NUP210: variants seen among roughly 807,000 people sequenced by gnomAD.
NUP210 encodes nuclear pore membrane glycoprotein 210.
NUP210 carries 151 observed loss-of-function variants against 196.0 expected under a neutral mutation model. The ratio of observed to expected loss-of-function variants is 0.77; its 90% CI spans 0.67 to 0.88. The LOEUF is 0.88. Among genes scored for constraint, NUP210 ranks in the 40% least tolerant of loss-of-function variants. The probability of loss-of-function intolerance (pLI) is 0.00; values close to 1 mark genes in which losing one functional copy is unlikely to be tolerated. For missense variants in NUP210, 2,314 were observed against 2,493.7 expected (o/e 0.93, Z 1.53); for synonymous variants, 1,070 against 1,052.7 (o/e 1.02, Z -0.32).
chr3:13,381,420 C>CTTTTTTTTTTTTTTTT, intron 6 of NUP210, among the ~76,000 whole-genome samples: 1 of 134,446 alleles, frequency 7.4e-6, no homozygotes, highest in Non-Finnish European at 1.6e-5. Context: ...CTTTTCTTTT[C>CTTTTTTTTTTTTTTTT]TTTTTTTTTT....
At chr3:13,339,821 C>A (rs1271624865) in intron 25 of NUP210, 33 bp downstream of exon 25, 1 of 1,573,938 alleles carries the variant, frequency 6.4e-7, no homozygotes, top group Non-Finnish European at 8.7e-7. Context: ...GTCCCAGGCA[C>A]AGCTGCCCAG....
rs199955751 is a variant in NUP210 at position 13,319,770 on chromosome 3, G to T, written c.5376C>A (p.Pro1792=). The T allele has an allele frequency of 5.1e-4, 821 of 1,614,000 alleles. 8 individuals are homozygous for T. Among genetic ancestry groups the T allele is most frequent in the Non-Finnish European group, 9.2e-5 (109 of 1,179,902 alleles). ...TGTCGTTCCGTGACTCACAAGGACC[G>T]GGCCCACGGCGATCCACCACAAAAG... is the stretch of plus-strand genomic sequence containing the variant. The part of the protein sequence containing the change: ...TVAFVVDRRG[P]GPYGASLFQH... The change falls in exon 37 of 40, where the codon CCC becomes CCA. Residue 1792 remains proline (P), a synonymous_variant. Transcript: ENST00000254508.
At chr3:13,335,838 G>A (rs1047875524) in intron 27 of NUP210, among the ~76,000 whole-genome samples, 2 of 152,214 alleles carry the variant, frequency 1.3e-5, no homozygotes, top group African/African-American at 2.4e-5. Context: ...TGCCTGCATC[G>A]CACAACATGC....
At chr3:13,419,602 G>C (rs569007623) in intron 1 of NUP210, among the ~76,000 whole-genome samples, 2 of 152,178 alleles carry the variant, frequency 1.3e-5, no homozygotes, top group Non-Finnish European at 1.5e-5. Flanking sequence ...GCTAGGCGCT[G>C]CGCTTCGTTT....
intron 13 of NUP210, among the ~76,000 whole-genome samples, chr3:13,370,696 C>T (rs746953618): frequency 6.6e-6 from 1 of 152,214 alleles, no homozygotes; most frequent in Non-Finnish European, 1.5e-5. Context: ...CTCCTGGATG[C>T]AGTATGCTCA....
At chr3:13,395,458 C>G (rs893163994) in intron 3 of NUP210, among the ~76,000 whole-genome samples, 2 of 152,188 alleles carry the variant, frequency 1.3e-5, no homozygotes, top group Non-Finnish European at 2.9e-5. Context: ...ACTGGGACTA[C>G]AGGTGTGCGC....
chr3:13,341,665 A>G, intron 23 of NUP210, 83 bp downstream of exon 23: 1 of 1,462,396 alleles, frequency 6.8e-7, no homozygotes. Context: ...TCTCTACAGT[A>G]GCTTCCTGGA....
chr3:13,410,694 G>A (rs1255646789), intron 1 of NUP210, among the ~76,000 whole-genome samples: 9 of 151,034 alleles, frequency 6.0e-5, no homozygotes, highest in Non-Finnish European at 1.0e-4. Context: ...GAGGCGGGTG[G>A]ATCACGAGGT....
At chr3:13,320,195 G>A (rs1696463507) in intron 36 of NUP210, among the ~76,000 whole-genome samples, 1 of 152,214 alleles carries the variant, frequency 6.6e-6, no homozygotes, top group Admixed American at 6.5e-5. Context: ...AATGACACCT[G>A]GGCACTGCTC....
At chr3:13,321,154 T>A (rs1454786636) in intron 36 of NUP210, among the ~76,000 whole-genome samples, 1 of 152,232 alleles carries the variant, frequency 6.6e-6, no homozygotes, top group East Asian at 1.9e-4. Context: ...TGAGGGATCA[T>A]TCACCCACCA....
intron 1 of NUP210, among the ~76,000 whole-genome samples, chr3:13,408,805 A>T (rs905987124): frequency 6.6e-6 from 1 of 150,968 alleles, no homozygotes; most frequent in East Asian, 1.9e-4. Context: ...AAAAAAAAAA[A>T]GGTTTTTAAT....
intron 33 of NUP210, among the ~76,000 whole-genome samples, chr3:13,324,175 C>T (rs1696649991): frequency 6.6e-6 from 1 of 151,886 alleles, no homozygotes; most frequent in Non-Finnish European, 1.5e-5. Flanking sequence ...CCTCCAGGGA[C>T]TGACAGAGGC....
intron 1 of NUP210, among the ~76,000 whole-genome samples, chr3:13,416,790 G>A (rs1226949511): frequency 6.6e-6 from 1 of 152,198 alleles, no homozygotes; most frequent in African/African-American, 2.4e-5. Flanking sequence ...GTGTTGGCAG[G>A]GGAGGAGGTT....
intron 1 of NUP210, among the ~76,000 whole-genome samples, chr3:13,414,773 C>T (rs1700292255): frequency 6.6e-6 from 1 of 152,236 alleles, no homozygotes; most frequent in Non-Finnish European, 1.5e-5. Flanking sequence ...ACATTCCATG[C>T]CTTGCAGTTC....
At position 13,377,453 on chromosome 3, in the gene NUP210, C is replaced by G; in HGVS notation, c.1152+3G>C. 6.2e-7 allele frequency: 1 copy of G among 1,606,048 alleles called. No individual in the cohort carries two copies. The highest frequency in any genetic ancestry group is 8.5e-7 in the Non-Finnish European group (1 of 1,173,096). On this transcript the variant is annotated splice_donor_region_variant and intron_variant, in intron 9 of 39. Coordinates refer to ENST00000254508, the MANE Select transcript of NUP210 (RefSeq NM_024923.4). ...CCCAGCCAGGACCTGAACAGGCACT[C>G]ACGTCAGATACATAGACCTTGTTGC...
At chr3:13,351,271 C>T (rs900935626) in intron 20 of NUP210, among the ~76,000 whole-genome samples, 1 of 152,184 alleles carries the variant, frequency 6.6e-6, no homozygotes, top group Non-Finnish European at 1.5e-5. Context: ...AAAGGTGAGA[C>T]ATCTTTTAAA....
intron 13 of NUP210, among the ~76,000 whole-genome samples, chr3:13,368,120 G>C (rs34077879): frequency 6.6e-6 from 1 of 151,874 alleles, no homozygotes; most frequent in Non-Finnish European, 1.5e-5. Flanking sequence ...CTGTCGCCCA[G>C]GCTGGAGTGC....
At position 13,397,429 on chromosome 3, in the gene NUP210, C is replaced by A; in HGVS notation, c.364G>T (p.Val122Phe). 4 of 1,613,010 alleles carry A rather than the reference C, an allele frequency of 2.5e-6. No homozygotes were observed. The highest frequency in any genetic ancestry group is 3.4e-6 in the Non-Finnish European group (4 of 1,179,542). ...AGGTAGAGCTCGCGGGTGGTGGAGACGATCTGGATGTCATGGATGAGGTCC... is the reference window on the plus strand; with the variant it reads ...AGGTAGAGCTCGCGGGTGGTGGAGAAGATCTGGATGTCATGGATGAGGTCC... ...IVDLIHDIQI[V>F]STTRELYLED... Residue 122 changes from valine (V) to phenylalanine (F), a missense_variant, in exon 3 of 40, where the codon GTC (valine) becomes TTC (phenylalanine). Transcript: ENST00000254508.
chr3:13,337,071 T>A, intron 26 of NUP210, 153 bp from the exon 27 acceptor site: 1 of 903,434 alleles, frequency 1.1e-6, no homozygotes, highest in Non-Finnish European at 1.7e-6. Context: ...TTTGATGAAA[T>A]ATCAAACGAG....
Sources: gnomAD v4.1 joint callset for allele counts (sites outside exome capture counted in the v4.1 genomes callset) on GRCh38, gnomAD v4.1.1 for gene constraint, MANE v1.5 for transcripts, NCBI Gene and HGNC (gene_info 2026-07-23, HGNC 2026-07-21) for gene names.